The following MRPS35 variants were observed in gnomAD, a reference collection of about 807,000 sequenced individuals.
MRPS35 encodes the protein small ribosomal subunit protein mS35.
MRPS35 carries 29 observed loss-of-function variants against 32.7 expected under a neutral mutation model. That is an observed-to-expected ratio of 0.89 (90% CI 0.66 to 1.21). The LOEUF is 1.21. MRPS35 is among the 50% of genes most tolerant of loss of function. MRPS35 has a pLI of 0.00. For synonymous variants in MRPS35, 148 were observed against 139.3 expected (o/e 1.06, Z -0.44); for missense variants, 373 against 383.8 (o/e 0.97, Z 0.23).
At chr12:27,754,203 G>T (rs528409466) in intron 7 of MRPS35, among the ~76,000 whole-genome samples, 1 of 152,148 alleles carries the variant, frequency 6.6e-6, no homozygotes, top group Non-Finnish European at 1.5e-5. Flanking sequence ...GCAGTGAGCT[G>T]AGATGGCCCC....
At chr12:27,725,521 A>G in intron 5 of MRPS35, 1 of 172,356 alleles carries the variant, frequency 5.8e-6, no homozygotes, top group Non-Finnish European at 1.3e-5. Context: ...GAGAACTATG[A>G]GGTCAAAGGA....
At chr12:27,731,939 C>A (rs933500131) in intron 5 of MRPS35, among the ~76,000 whole-genome samples, 18 of 152,056 alleles carry the variant, frequency 1.2e-4, no homozygotes, top group Admixed American at 6.6e-4. Context: ...TTTAAATACA[C>A]AACAATATAC....
At chr12:27,736,507 T>A (rs1237455169) in intron 6 of MRPS35, among the ~76,000 whole-genome samples, 1 of 152,182 alleles carries the variant, frequency 6.6e-6, no homozygotes, top group Non-Finnish European at 1.5e-5. Context: ...TTGCTTTTTT[T>A]TTTTTTAGGT....
At chr12:27,754,164 G>T (rs2062017155) in intron 7 of MRPS35, among the ~76,000 whole-genome samples, 1 of 152,102 alleles carries the variant, frequency 6.6e-6, no homozygotes, top group Non-Finnish European at 1.5e-5. Context: ...TGAGGCAAGA[G>T]AATCGCTTGA....
At chr12:27,714,146 G>C (rs1326362275) in intron 1 of MRPS35, among the ~76,000 whole-genome samples, 1 of 151,634 alleles carries the variant, frequency 6.6e-6, no homozygotes, top group East Asian at 1.9e-4. Context: ...TAATTGACTA[G>C]GTTTCGTTCC....
intron 7 of MRPS35, among the ~76,000 whole-genome samples, chr12:27,743,529 AAAAT>A (rs1229633722): frequency 6.6e-6 from 1 of 152,122 alleles, no homozygotes; most frequent in Non-Finnish European, 1.5e-5. Context: ...ACTCCATCTC[AAAAT>A]AAATAAATAA....
intron 7 of MRPS35, among the ~76,000 whole-genome samples, chr12:27,751,508 T>C (rs1039850698): frequency 1.3e-5 from 2 of 152,222 alleles, no homozygotes; most frequent in Non-Finnish European, 2.9e-5. Context: ...TTTCTTACAC[T>C]GTCCACCTTT....
intron 5 of MRPS35, among the ~76,000 whole-genome samples, chr12:27,726,921 C>G (rs954803249): frequency 6.7e-6 from 1 of 148,986 alleles, no homozygotes; most frequent in African/African-American, 2.5e-5. Flanking sequence ...ACATTTTCTT[C>G]CATTCTTTGG....
intron 7 of MRPS35, among the ~76,000 whole-genome samples, chr12:27,748,759 C>T (rs566518428): frequency 2.6e-5 from 4 of 152,096 alleles, no homozygotes; most frequent in African/African-American, 9.6e-5. Context: ...CAACCTCAGC[C>T]TCTTGGGCTC....
intron 3 of MRPS35, 105 bp downstream of exon 3, chr12:27,716,563 C>A (rs2061852117): frequency 9.7e-7 from 1 of 1,028,276 alleles, no homozygotes; most frequent in African/African-American, 1.6e-5. Context: ...TGTATAGCAG[C>A]TTAGTGTATT....
intron 1 of MRPS35, among the ~76,000 whole-genome samples, chr12:27,712,532 T>C (rs1201163545): frequency 6.6e-6 from 1 of 152,138 alleles, no homozygotes; most frequent in African/African-American, 2.4e-5. Flanking sequence ...ATTAAAGTAA[T>C]AGTGGAGAAG....
Position 27,755,353 on chromosome 12 carries a change from A to G in MRPS35, c.875A>G (p.Tyr292Cys). 3.1e-6 allele frequency: 5 copies of G among 1,608,340 alleles called. No homozygotes were observed. The highest frequency in any genetic ancestry group is 4.2e-6 in the Non-Finnish European group (5 of 1,178,810). ...CTTGGTACTAAAGAAATTGAAGAGT[A>G]CAAAAAGTCTGTTGTTAGTCTTAAA... Reference protein sequence around the residue: ...ELLGTKEIEEYKKSVVSLKNE... With the variant: ...ELLGTKEIEECKKSVVSLKNE... Residue 292 changes from tyrosine to cysteine, a missense_variant, in exon 8 of 8, where the codon TAC becomes TGC. Tyr to Cys is a radical substitution (Grantham distance 194). Transcript: ENST00000081029.
chr12:27,733,617 T>G (rs1300171116), intron 5 of MRPS35, among the ~76,000 whole-genome samples: 1 of 151,606 alleles, frequency 6.6e-6, no homozygotes, highest in Non-Finnish European at 1.5e-5. Flanking sequence ...TATTTGTGTA[T>G]TCATAATCAT....
chr12:27,721,161 C>T (rs745924944), intron 4 of MRPS35, among the ~76,000 whole-genome samples: 5 of 152,010 alleles, frequency 3.3e-5, no homozygotes, highest in South Asian at 2.1e-4. Flanking sequence ...AAGGGCCTTC[C>T]GTTTAAAAAT....
intron 5 of MRPS35, among the ~76,000 whole-genome samples, chr12:27,728,558 T>C (rs1281341977): frequency 6.6e-6 from 1 of 152,134 alleles, no homozygotes; most frequent in African/African-American, 2.4e-5. Flanking sequence ...CCAAATATCA[T>C]CTAAAATATC....
At chr12:27,719,186 A>C (rs1365432013) in intron 3 of MRPS35, among the ~76,000 whole-genome samples, 1 of 152,222 alleles carries the variant, frequency 6.6e-6, no homozygotes, top group Non-Finnish European at 1.5e-5. Flanking sequence ...GGCAGGAAGA[A>C]TACTGTAAAA....
At chr12:27,735,643 A>G in intron 6 of MRPS35, 87 bp downstream of exon 6, 4 of 945,764 alleles carry the variant, frequency 4.2e-6, no homozygotes, top group Non-Finnish European at 6.7e-6. Context: ...AAGAAACTAT[A>G]TTGAAGATGG....
At chr12:27,723,935 T>G in intron 4 of MRPS35, 112 bp from the exon 5 acceptor site, 1 of 1,021,740 alleles carries the variant, frequency 9.8e-7, no homozygotes, top group Non-Finnish European at 1.4e-6. Flanking sequence ...GAGAATCTGT[T>G]CTTTCATGTA....
intron 5 of MRPS35, among the ~76,000 whole-genome samples, chr12:27,726,007 G>GTCAAAGAAATCTTGGTA (rs1565466490): frequency 6.6e-6 from 1 of 150,988 alleles, no homozygotes; most frequent in African/African-American, 2.5e-5. Context: ...ACAGGGTTTT[G>GTCAAAGAAATCTTGGTA]CCATGATGCC....
Sources: gnomAD v4.1 joint callset for allele counts (sites outside exome capture counted in the v4.1 genomes callset) on GRCh38, gnomAD v4.1.1 for gene constraint, MANE v1.5 for transcripts, NCBI Gene and HGNC (gene_info 2026-07-23, HGNC 2026-07-21) for gene names.